Variants in ATXN7L1 observed in about 807,000 individuals in gnomAD.
ATXN7L1 encodes the protein ataxin 7 like 1, also known as ataxin-7-like protein 1.
In ATXN7L1, 15 loss-of-function variants were observed where a neutral mutation model predicts 70.8. The ratio of observed to expected loss-of-function variants is 0.21; its 90% CI spans 0.14 to 0.33. The LOEUF is 0.33. Among genes scored for constraint, ATXN7L1 ranks in the 10% least tolerant of loss-of-function variants. The probability of loss-of-function intolerance (pLI) is 1.00; values close to 1 mark genes in which losing one functional copy is unlikely to be tolerated. For synonymous variants in ATXN7L1, 440 were observed against 445.1 expected (o/e 0.99, Z 0.14); for missense variants, 975 against 1,097.1 (o/e 0.89, Z 1.57).
chr7:105,790,654 C>CTACT (rs71155479), intron 2 of ATXN7L1, among the ~76,000 whole-genome samples: 8,351 of 99,788 alleles, frequency 0.084, 304 homozygotes, highest in East Asian at 0.14. Flanking sequence ...ATCTATCTAT[C>CTACT]ATCTATCTAC....
At chr7:105,762,702 T>C (rs1421357795) in intron 3 of ATXN7L1, among the ~76,000 whole-genome samples, 1 of 152,220 alleles carries the variant, frequency 6.6e-6, no homozygotes. Context: ...GGTGACACTC[T>C]TCCTTTCCAA....
Position 105,799,329 on chromosome 7 carries a change from G to A in ATXN7L1, c.251-10621C>T, listed in dbSNP as rs147033030. ...GCCCACTCCAGAAAATTCCCCCATC[G>A]TGTTGCACACACCAACCCCTGCTCA... On this transcript the variant is annotated intron_variant, in intron 2 of 11. Coordinates refer to ENST00000419735, the MANE Select transcript of ATXN7L1 (RefSeq NM_020725.2). 1.0e-3 allele frequency among the ~76,000 whole-genome samples: 158 copies of A among 152,298 alleles called. 1 individual carries two copies. The highest frequency in any genetic ancestry group is 3.6e-3 in the African/African-American group (151 of 41,562).
intron 3 of ATXN7L1, among the ~76,000 whole-genome samples, chr7:105,729,970 C>T (rs971681194): frequency 6.6e-6 from 1 of 152,104 alleles, no homozygotes; most frequent in Admixed American, 6.5e-5. Context: ...ATCTCCTGAC[C>T]TAGTGATCCG....
intron 2 of ATXN7L1, among the ~76,000 whole-genome samples, chr7:105,856,893 T>G (rs908428213): frequency 6.6e-6 from 1 of 151,740 alleles, no homozygotes; most frequent in Non-Finnish European, 1.5e-5. Context: ...AAACAAACAC[T>G]AACACTACCA....
chr7:105,746,275 G>C (rs976468301), intron 3 of ATXN7L1, among the ~76,000 whole-genome samples: 7 of 152,194 alleles, frequency 4.6e-5, no homozygotes, highest in African/African-American at 1.7e-4. Flanking sequence ...ACCGCAGTGA[G>C]CATGTCTCTC....
chr7:105,654,687 G>C (rs919983982), intron 4 of ATXN7L1, among the ~76,000 whole-genome samples: 1 of 152,090 alleles, frequency 6.6e-6, no homozygotes, highest in African/African-American at 2.4e-5. Context: ...GAGCTATGCA[G>C]CTATGAAGGA....
chr7:105,797,096 C>T (rs891944317), intron 2 of ATXN7L1, among the ~76,000 whole-genome samples: 1 of 152,226 alleles, frequency 6.6e-6, no homozygotes, highest in African/African-American at 2.4e-5. Flanking sequence ...TCCAGCATCA[C>T]TCCAGCATCA....
chr7:105,727,773 T>TATATATATATATATATAC (rs1173626080), intron 3 of ATXN7L1, among the ~76,000 whole-genome samples: 2 of 124,244 alleles, frequency 1.6e-5, no homozygotes, highest in African/African-American at 3.2e-5. Flanking sequence ...TATATATATA[T>TATATATATATATATATAC]ATATACACAC....
chr7:105,798,790 T>C (rs536847478), intron 2 of ATXN7L1, among the ~76,000 whole-genome samples: 2 of 152,222 alleles, frequency 1.3e-5, no homozygotes, highest in Non-Finnish European at 2.9e-5. Context: ...GTCCGCCATA[T>C]TGCTTCTTGA....
At chr7:105,650,430 A>G (rs551479581) in intron 4 of ATXN7L1, among the ~76,000 whole-genome samples, 22 of 152,372 alleles carry the variant, frequency 1.4e-4, no homozygotes, top group African/African-American at 4.3e-4. Flanking sequence ...TCTGTGGCTG[A>G]GTGTCAGGCC....
chr7:105,675,968 T>C (rs1402612339), intron 3 of ATXN7L1, among the ~76,000 whole-genome samples: 1 of 151,972 alleles, frequency 6.6e-6, no homozygotes, highest in African/African-American at 2.4e-5. Flanking sequence ...ATTACAGTGA[T>C]GATACAATAG....
At chr7:105,769,084 C>T (rs950220303) in intron 3 of ATXN7L1, among the ~76,000 whole-genome samples, 2 of 152,210 alleles carry the variant, frequency 1.3e-5, no homozygotes, top group Non-Finnish European at 2.9e-5. Flanking sequence ...TTTCTTTGAG[C>T]TTCCAAATCT....
At position 105,620,295 on chromosome 7, in the gene ATXN7L1, C is replaced by T. The variant is rs969277691; in HGVS notation, c.1422G>A (p.Met474Ile). 6.5e-7 allele frequency: 1 copy of T among 1,550,204 alleles called. No homozygotes were observed. Among genetic ancestry groups the T allele is most frequent in the East Asian group, 2.4e-5 (1 of 40,906 alleles). ...LAFCSFGSRLMGRGYYVFDRR... is the reference protein window; with the variant it reads ...LAFCSFGSRLIGRGYYVFDRR... Reference sequence around the variant, plus strand: ...TATCAAACACATAGTACCCTCGTCCCATGAGGCGACTCCCAAATGAGCAAA... The same window carrying T: ...TATCAAACACATAGTACCCTCGTCCTATGAGGCGACTCCCAAATGAGCAAA... Residue 474 changes from methionine to isoleucine, a missense_variant, in exon 9 of 12, where the codon ATG becomes ATA. Coordinates refer to ENST00000419735, the MANE Select transcript of ATXN7L1 (RefSeq NM_020725.2).
chr7:105,701,633 C>T (rs1418687061), intron 3 of ATXN7L1, among the ~76,000 whole-genome samples: 1 of 152,202 alleles, frequency 6.6e-6, no homozygotes, highest in Non-Finnish European at 1.5e-5. Flanking sequence ...ATCCTCAAGT[C>T]AAACTTTCAG....
At chr7:105,791,217 G>A (rs1469351766) in intron 2 of ATXN7L1, among the ~76,000 whole-genome samples, 4 of 152,254 alleles carry the variant, frequency 2.6e-5, no homozygotes, top group African/African-American at 7.2e-5. Flanking sequence ...TCAGGTGCCC[G>A]AGGTGGCTGC....
rs112119536 is a variant in ATXN7L1 at position 105,642,651 on chromosome 7, C to G, written c.862+187G>C. 2.6e-5 allele frequency among the ~76,000 whole-genome samples: 4 copies of G among 152,362 alleles called. 1 individual carries two copies. Among genetic ancestry groups the G allele is most frequent in the African/African-American group, 9.6e-5 (4 of 41,592 alleles). On this transcript the variant is annotated intron_variant, in intron 5 of 11. Transcript: ENST00000419735. ...TGAACTGAGTGAGGGACTTCATCTG[C>G]CCGGGGAAGAAGAGACCTGGTTTTC...
chr7:105,825,865 T>A (rs1810792485), intron 2 of ATXN7L1, among the ~76,000 whole-genome samples: 1 of 152,122 alleles, frequency 6.6e-6, no homozygotes, highest in Non-Finnish European at 1.5e-5. Context: ...CTGGATAGAT[T>A]CAGATACTTG....
At chr7:105,788,787 C>A in intron 2 of ATXN7L1, 79 bp from the exon 3 acceptor site, 2 of 1,175,742 alleles carry the variant, frequency 1.7e-6, no homozygotes, top group South Asian at 2.6e-5. Context: ...CTTGGAATTT[C>A]TTCAAGGACA....
chr7:105,710,383 A>T (rs1449907845), intron 3 of ATXN7L1, among the ~76,000 whole-genome samples: 1 of 150,560 alleles, frequency 6.6e-6, no homozygotes, highest in East Asian at 2.0e-4. Context: ...GAAACAGTGA[A>T]GAGGGAGGTG....
Sources: allele counts gnomAD v4.1 joint callset (sites outside exome capture counted in the v4.1 genomes callset), GRCh38; gene constraint gnomAD v4.1.1; transcripts MANE v1.5; gene names NCBI Gene and HGNC (gene_info 2026-07-23, HGNC 2026-07-21).